The following PDE1C variants were observed in gnomAD, a reference collection of about 807,000 sequenced individuals.
PDE1C encodes the protein phosphodiesterase 1C.
A neutral mutation model predicts 93.1 loss-of-function variants in PDE1C; 62 were observed. The observed-to-expected ratio is 0.67, with a 90% CI of 0.54 to 0.82. The LOEUF (loss-of-function observed/expected upper bound fraction) is 0.82, where lower values mean the gene tolerates loss of function less well. Ranked by LOEUF, PDE1C falls within the 40% of genes least tolerant of loss-of-function variation. The pLI is 0.00. For synonymous variants in PDE1C, 325 were observed against 310.1 expected (o/e 1.05, Z -0.50); for missense variants, 742 against 884.6 (o/e 0.84, Z 2.04).
intron 1 of PDE1C, among the ~76,000 whole-genome samples, chr7:32,402,260 A>G (rs567030539): frequency 6.6e-6 from 1 of 152,150 alleles, no homozygotes; most frequent in East Asian, 1.9e-4. Context: ...ATAAAAAGAG[A>G]TTTATTATGA....
intron 3 of PDE1C, among the ~76,000 whole-genome samples, chr7:32,083,957 A>G (rs1032495734): frequency 7.3e-5 from 11 of 151,112 alleles, no homozygotes; most frequent in African/African-American, 2.0e-4. Context: ...CGAGCAAAAT[A>G]ACCAGCTAAC....
At chr7:31,763,770 G>A (rs918484270) in intron 17 of PDE1C, among the ~76,000 whole-genome samples, 5 of 151,978 alleles carry the variant, frequency 3.3e-5, no homozygotes, top group Non-Finnish European at 7.4e-5. Context: ...TCGTGATAGC[G>A]CCCTCCCTGG....
intron 3 of PDE1C, among the ~76,000 whole-genome samples, chr7:32,133,957 T>C (rs1800067682): frequency 1.3e-5 from 2 of 151,588 alleles, no homozygotes; most frequent in African/African-American, 4.8e-5. Flanking sequence ...CTTATAAATA[T>C]AAAAAGAAAC....
intron 2 of PDE1C, among the ~76,000 whole-genome samples, chr7:32,019,054 C>G (rs1788293289): frequency 6.6e-6 from 1 of 150,838 alleles, no homozygotes; most frequent in Non-Finnish European, 1.5e-5. Flanking sequence ...CTATGATAAA[C>G]CAGGCATAGT....
At chr7:32,007,595 C>G (rs1018802017) in intron 2 of PDE1C, among the ~76,000 whole-genome samples, 2 of 152,164 alleles carry the variant, frequency 1.3e-5, no homozygotes, top group Non-Finnish European at 2.9e-5. Context: ...AGGTCTTTGC[C>G]TTTTCTGTCC....
chr7:31,986,555 A>G (rs58542911), intron 2 of PDE1C, among the ~76,000 whole-genome samples: 11,345 of 152,150 alleles, frequency 0.075, 1,060 homozygotes, highest in African/African-American at 0.22. Context: ...CTCATATTGG[A>G]TTAGGATGCC....
intron 1 of PDE1C, among the ~76,000 whole-genome samples, chr7:32,053,327 G>A (rs535026761): frequency 3.5e-4 from 53 of 152,276 alleles, no homozygotes; most frequent in Non-Finnish European, 6.2e-4. Flanking sequence ...TGATGCATGT[G>A]CACTGATCAA....
At chr7:32,320,518 G>C (rs945210358) in intron 1 of PDE1C, among the ~76,000 whole-genome samples, 13 of 150,804 alleles carry the variant, frequency 8.6e-5, no homozygotes, top group African/African-American at 3.1e-4. Context: ...ACTTAAAAGT[G>C]GGGGGAAAAA....
chr7:32,233,495 T>C (rs7806224), intron 1 of PDE1C, among the ~76,000 whole-genome samples: 64,879 of 151,852 alleles, frequency 0.43, 15,055 homozygotes, highest in African/African-American at 0.61. Context: ...AGAAAAATTA[T>C]ACCATGCAAA....
At chr7:31,775,941 C>T (rs1224201438) in intron 16 of PDE1C, among the ~76,000 whole-genome samples, 1 of 152,092 alleles carries the variant, frequency 6.6e-6, no homozygotes, top group Non-Finnish European at 1.5e-5. Context: ...GTACGCAGTT[C>T]CTCTGGCTGG....
intron 1 of PDE1C, among the ~76,000 whole-genome samples, chr7:32,357,288 C>T (rs1312701946): frequency 1.3e-5 from 2 of 151,664 alleles, no homozygotes; most frequent in Non-Finnish European, 1.5e-5. Context: ...GAGCAGAGAT[C>T]GCACCACTGC....
intron 2 of PDE1C, among the ~76,000 whole-genome samples, chr7:32,004,370 G>C (rs1479007728): frequency 1.3e-5 from 2 of 152,096 alleles, no homozygotes; most frequent in Non-Finnish European, 2.9e-5. Context: ...GCCTGGAAAA[G>C]GTAACCAAGG....
At chr7:32,205,193 G>T (rs1041337531) in intron 2 of PDE1C, among the ~76,000 whole-genome samples, 14 of 152,144 alleles carry the variant, frequency 9.2e-5, no homozygotes, top group Admixed American at 5.9e-4. Flanking sequence ...CCTGTCAGGG[G>T]TCTCCTGGAC....
chr7:32,196,274 T>C (rs1340935511), intron 2 of PDE1C, among the ~76,000 whole-genome samples: 1 of 152,174 alleles, frequency 6.6e-6, no homozygotes, highest in Non-Finnish European at 1.5e-5. Flanking sequence ...CCACAGCTTT[T>C]TCTGTGATGT....
intron 3 of PDE1C, among the ~76,000 whole-genome samples, chr7:32,137,933 A>G (rs981129688): frequency 1.3e-5 from 2 of 152,152 alleles, no homozygotes; most frequent in Non-Finnish European, 2.9e-5. Flanking sequence ...ATAATTTAGC[A>G]TACCTTTTAT....
intron 11 of PDE1C, among the ~76,000 whole-genome samples, chr7:31,836,379 G>T (rs1318962736): frequency 1.3e-5 from 2 of 152,082 alleles, no homozygotes; most frequent in African/African-American, 2.4e-5. Context: ...GCTGTCGCCA[G>T]GCTGGAGTAC....
the PDE1C span, among the ~76,000 whole-genome samples, chr7:31,726,767 T>C: frequency 0.084 from 12,867 of 152,312 alleles, 857 homozygotes; most frequent in East Asian, 0.36. Context: ...GCACAGTGGC[T>C]CATGCCTGTA....
At chr7:32,210,546 G>A (rs958408471) in intron 1 of PDE1C, among the ~76,000 whole-genome samples, 2 of 152,220 alleles carry the variant, frequency 1.3e-5, no homozygotes, top group African/African-American at 4.8e-5. Context: ...GAAAGAAGTC[G>A]AAAAATTTAT....
chr7:31,981,454 A>C (rs527923565), intron 2 of PDE1C, among the ~76,000 whole-genome samples: 1 of 152,310 alleles, frequency 6.6e-6, no homozygotes, highest in East Asian at 1.9e-4. Flanking sequence ...GTGTTAATGA[A>C]ATTTCAACTG....
Sources: gnomAD v4.1 joint callset for allele counts (sites outside exome capture counted in the v4.1 genomes callset) on GRCh38, gnomAD v4.1.1 for gene constraint, MANE v1.5 for transcripts, NCBI Gene and HGNC (gene_info 2026-07-23, HGNC 2026-07-21) for gene names.